Variants in CNTNAP2 observed in about 807,000 individuals in gnomAD.
CNTNAP2 encodes the protein contactin associated protein 2, also known as contactin-associated protein-like 2.
CNTNAP2 carries 98 observed loss-of-function variants against 155.2 expected under a neutral mutation model. The observed-to-expected ratio is 0.63, with a 90% CI of 0.54 to 0.75. CNTNAP2 has a LOEUF of 0.75. Among genes scored for constraint, CNTNAP2 ranks in the 30% least tolerant of loss-of-function variants. CNTNAP2 has a pLI of 0.00. For synonymous variants in CNTNAP2, 651 were observed against 631.2 expected (o/e 1.03, Z -0.47); for missense variants, 1,727 against 1,688.1 (o/e 1.02, Z -0.40).
intron 1 of CNTNAP2, among the ~76,000 whole-genome samples, chr7:146,532,090 A>G (rs1408978248): frequency 6.6e-6 from 1 of 152,182 alleles, no homozygotes; most frequent in Non-Finnish European, 1.5e-5. Context: ...AAATTTAAAG[A>G]AGTAATACAA....
chr7:146,698,026 A>T (rs2129172694), intron 1 of CNTNAP2, among the ~76,000 whole-genome samples: 1 of 152,278 alleles, frequency 6.6e-6, no homozygotes, highest in Admixed American at 6.5e-5. Context: ...CAATAATCCA[A>T]GTCCACTTTC....
intron 2 of CNTNAP2, among the ~76,000 whole-genome samples, chr7:146,780,762 T>C (rs998560137): frequency 6.6e-6 from 1 of 151,912 alleles, no homozygotes; most frequent in Non-Finnish European, 1.5e-5. Flanking sequence ...CTCAGCAAAC[T>C]AACACAGAAA....
At chr7:148,312,702 T>G (rs1017738237) in intron 21 of CNTNAP2, among the ~76,000 whole-genome samples, 143 of 152,054 alleles carry the variant, frequency 9.4e-4, no homozygotes, top group African/African-American at 3.2e-3. Context: ...ATGGGGGAAT[T>G]GTAAGGGGAG....
chr7:146,425,319 C>G (rs539754415), intron 1 of CNTNAP2, among the ~76,000 whole-genome samples: 2 of 152,030 alleles, frequency 1.3e-5, no homozygotes, highest in Non-Finnish European at 2.9e-5. Context: ...AGAAAAGTCC[C>G]CATTACCTGA....
chr7:146,497,557 A>G (rs1797237203), intron 1 of CNTNAP2, among the ~76,000 whole-genome samples: 1 of 151,966 alleles, frequency 6.6e-6, no homozygotes, highest in Admixed American at 6.6e-5. Context: ...ACTTGTCTTC[A>G]TAAGTAAATC....
intron 1 of CNTNAP2, among the ~76,000 whole-genome samples, chr7:146,718,401 GAATTGTGTCTCTTGGTGGGT>G (rs1801228353): frequency 6.6e-6 from 1 of 152,104 alleles, no homozygotes; most frequent in Non-Finnish European, 1.5e-5. Flanking sequence ...TTGACTGGAA[GAATTGTGTCTCTTGGTGGGT>G]AACTGTGCAT....
intron 1 of CNTNAP2, among the ~76,000 whole-genome samples, chr7:146,352,875 C>A (rs575812675): frequency 1.3e-5 from 2 of 150,242 alleles, no homozygotes; most frequent in Non-Finnish European, 3.0e-5. Context: ...CTGCCTCAGC[C>A]TCCCTAGTCG....
At chr7:148,022,246 T>C (rs1455208723) in intron 15 of CNTNAP2, among the ~76,000 whole-genome samples, 1 of 151,984 alleles carries the variant, frequency 6.6e-6, no homozygotes, top group Non-Finnish European at 1.5e-5. Context: ...GGCAGGCAGA[T>C]TGCCTGAGCT....
At chr7:146,587,739 C>T (rs1459328513) in intron 1 of CNTNAP2, among the ~76,000 whole-genome samples, 1 of 151,922 alleles carries the variant, frequency 6.6e-6, no homozygotes, top group African/African-American at 2.4e-5. Flanking sequence ...ATGTCATGAT[C>T]TCAGCTCACT....
chr7:146,608,814 T>A (rs183138084), intron 1 of CNTNAP2, among the ~76,000 whole-genome samples: 1 of 152,268 alleles, frequency 6.6e-6, no homozygotes, highest in East Asian at 1.9e-4. Context: ...TCTCCCTTTT[T>A]TCTGTGTATA....
intron 4 of CNTNAP2, among the ~76,000 whole-genome samples, chr7:147,049,578 C>T (rs1427192384): frequency 4.6e-5 from 7 of 152,204 alleles, no homozygotes; most frequent in African/African-American, 1.7e-4. Context: ...ATTTTGGCTT[C>T]CTAGAGAATA....
chr7:146,333,879 C>T (rs1801226295), intron 1 of CNTNAP2, among the ~76,000 whole-genome samples: 1 of 152,068 alleles, frequency 6.6e-6, no homozygotes, highest in South Asian at 2.1e-4. Flanking sequence ...GAGAATTGTG[C>T]CTGGAAAGTT....
At position 147,907,745 on chromosome 7, in the gene CNTNAP2, G is replaced by C. The variant is rs535532769; in HGVS notation, c.2255+4024G>C. 3.3e-5 allele frequency among the ~76,000 whole-genome samples: 5 copies of C among 152,052 alleles called. No individual in the cohort carries two copies. In the South Asian group the frequency reaches 1.0e-3, roughly 32 times the overall value. On this transcript the variant is annotated intron_variant, in intron 14 of 23. Coordinates refer to ENST00000361727, the MANE Select transcript of CNTNAP2 (RefSeq NM_014141.6). ...TCTATAAATTATACTATATGGGATA[G>C]TTATTTGCAATTCTATTGCATTATT...
Position 147,195,325 on chromosome 7 carries a change from C to G in CNTNAP2, c.1348+62816C>G, listed in dbSNP as rs547594442. ...ACCATGCTGTTTTGGTTACTGTGGT[C>G]TTATAGGATAGTTTGAAGTTAGGTA... On this transcript the variant is annotated intron_variant, in intron 8 of 23. Transcript: ENST00000361727. Among the ~76,000 whole-genome samples the G allele has an allele frequency of 2.6e-5, 4 of 152,206 alleles. No individual in the cohort carries two copies. In the East Asian group the frequency reaches 7.7e-4, roughly 29 times the overall value.
At chr7:148,375,429 G>GGCTCACTGCAACCTCT (rs1255188205) in intron 21 of CNTNAP2, among the ~76,000 whole-genome samples, 1 of 149,430 alleles carries the variant, frequency 6.7e-6, no homozygotes, top group Non-Finnish European at 1.5e-5. Flanking sequence ...CCGTGATCTC[G>GGCTCACTGCAACCTCT]GCTCACTGCA....
At chr7:146,338,443 A>ATTTAAATACGG (rs1801316537) in intron 1 of CNTNAP2, among the ~76,000 whole-genome samples, 1 of 152,146 alleles carries the variant, frequency 6.6e-6, no homozygotes, top group African/African-American at 2.4e-5. Context: ...ATCAGATATA[A>ATTTAAATACGG]AGTTATATGG....
At chr7:146,933,902 C>T (rs1318222693) in intron 3 of CNTNAP2, among the ~76,000 whole-genome samples, 4 of 151,590 alleles carry the variant, frequency 2.6e-5, no homozygotes, top group South Asian at 2.1e-4. Context: ...TACCATCTCA[C>T]ACCAGTTAGA....
At chr7:146,151,060 A>C (rs1288540944) in intron 1 of CNTNAP2, among the ~76,000 whole-genome samples, 1 of 152,062 alleles carries the variant, frequency 6.6e-6, no homozygotes, top group East Asian at 1.9e-4. Context: ...GTGAGAGTGC[A>C]GGAAAAATCT....
intron 1 of CNTNAP2, among the ~76,000 whole-genome samples, chr7:146,722,722 A>G (rs938473198): frequency 1.3e-5 from 2 of 152,032 alleles, no homozygotes; most frequent in African/African-American, 4.8e-5. Flanking sequence ...ATATATATAT[A>G]TATATACACG....
Sources: gnomAD v4.1 joint callset for allele counts (sites outside exome capture counted in the v4.1 genomes callset) on GRCh38, gnomAD v4.1.1 for gene constraint, MANE v1.5 for transcripts, NCBI Gene and HGNC (gene_info 2026-07-23, HGNC 2026-07-21) for gene names.